The following EYA1 variants were observed in gnomAD, a reference collection of about 807,000 sequenced individuals.
EYA1 encodes protein phosphatase EYA1.
A neutral mutation model predicts 82.0 loss-of-function variants in EYA1; 16 were observed. That is an observed-to-expected ratio of 0.20 (90% CI 0.13 to 0.30). The LOEUF is 0.30. Among genes scored for constraint, EYA1 ranks in the 10% least tolerant of loss-of-function variants. The pLI is 1.00. For synonymous variants in EYA1, 261 were observed against 264.4 expected (o/e 0.99, Z 0.12); for missense variants, 633 against 730.7 (o/e 0.87, Z 1.54).
chr8:71,244,594 AG>A lies in EYA1; in HGVS notation c.1140+8del. On this transcript the variant is annotated splice_region_variant and intron_variant, in intron 12 of 17. Transcript: ENST00000340726. Reference sequence around the variant, plus strand: ...CATGCAAAAATATGTATTAAAAATTAGAACTTACTTCTAAGTCATTAAAAAA... The same window carrying A: ...CATGCAAAAATATGTATTAAAAATTAAACTTACTTCTAAGTCATTAAAAAA... 6.9e-7 allele frequency: 1 copy of A among 1,443,062 alleles called. No homozygotes were observed. The highest frequency in any genetic ancestry group is 1.4e-5 in the African/African-American group (1 of 70,982). The allele number at this position is 1,443,062 out of a possible 1,614,324, so 89.4% of individuals were successfully genotyped here. A position where few individuals can be genotyped will look rare whatever the true frequency, so the allele number is the denominator to read the frequency against.
chr8:71,464,008 T>A (rs1319980677), intron 2 of EYA1, among the ~76,000 whole-genome samples: 1 of 152,146 alleles, frequency 6.6e-6, no homozygotes, highest in Non-Finnish European at 1.5e-5. Context: ...CCTTTTTGGA[T>A]CATTTCCACT....
chr8:71,377,030 T>TA, intron 2 of EYA1, among the ~76,000 whole-genome samples: 1 of 152,242 alleles, frequency 6.6e-6, no homozygotes, highest in East Asian at 1.9e-4. Context: ...ATCAACCTCT[T>TA]ACCCATCACT....
At chr8:71,279,533 G>T (rs983852407) in intron 9 of EYA1, among the ~76,000 whole-genome samples, 4 of 152,200 alleles carry the variant, frequency 2.6e-5, no homozygotes, top group South Asian at 2.1e-4. Flanking sequence ...TTGGCCAAAA[G>T]AATCATATAC....
Position 71,445,953 on chromosome 8 carries a change from A to G in EYA1, c.34-89442T>C, listed in dbSNP as rs181099312. 5.9e-5 allele frequency among the ~76,000 whole-genome samples: 9 copies of G among 152,336 alleles called. No individual in the cohort carries two copies. The East Asian group carries it at 1.7e-3, about 29-fold the overall frequency. On this transcript the variant is annotated intron_variant, in intron 2 of 18. Coordinates refer to the EYA1 transcript ENST00000643681. ...CTCTTATTTGGCTCACTTCTTCTCT[A>G]GAATAATAAACTAGGAGACTACAGT...
chr8:71,344,557 T>C (rs1280784077), intron 3 of EYA1, among the ~76,000 whole-genome samples: 2 of 152,226 alleles, frequency 1.3e-5, no homozygotes, highest in African/African-American at 2.4e-5. Context: ...ACATAGTCCA[T>C]GATCACACAG....
At chr8:71,233,559 G>A (rs1244073066) in intron 12 of EYA1, among the ~76,000 whole-genome samples, 4 of 130,410 alleles carry the variant, frequency 3.1e-5, no homozygotes, top group Admixed American at 8.4e-5. Context: ...GTGAGACTCC[G>A]TCTCAAAAAA....
intron 4 of EYA1, among the ~76,000 whole-genome samples, chr8:71,331,878 C>T (rs577922198): frequency 3.3e-5 from 5 of 152,270 alleles, no homozygotes; most frequent in African/African-American, 1.2e-4. Flanking sequence ...GACAGAGTCT[C>T]ACTCTGCTGC....
At chr8:71,205,529 A>T (rs1415950747) in intron 17 of EYA1, among the ~76,000 whole-genome samples, 1 of 152,098 alleles carries the variant, frequency 6.6e-6, no homozygotes. Context: ...GCACTCACAC[A>T]AACTCCTGCA....
intron 12 of EYA1, among the ~76,000 whole-genome samples, chr8:71,234,637 T>G (rs1811612793): frequency 2.0e-5 from 3 of 152,046 alleles, no homozygotes; most frequent in African/African-American, 7.3e-5. Context: ...ACCATACAAT[T>G]CTCTCTTCAA....
chr8:71,527,017 T>G (rs1039852740), intron 2 of EYA1, among the ~76,000 whole-genome samples: 1 of 152,252 alleles, frequency 6.6e-6, no homozygotes, highest in African/African-American at 2.4e-5. Context: ...TATATGATAC[T>G]ATACATAAAT....
At chr8:71,291,015 A>C (rs1286016595) in intron 9 of EYA1, among the ~76,000 whole-genome samples, 1 of 152,242 alleles carries the variant, frequency 6.6e-6, no homozygotes, top group East Asian at 1.9e-4. Flanking sequence ...AAACTTTTCC[A>C]AAGTCCACAA....
intron 12 of EYA1, among the ~76,000 whole-genome samples, chr8:71,229,240 AT>A (rs1810918686): frequency 1.3e-5 from 2 of 151,974 alleles, no homozygotes; most frequent in African/African-American, 4.8e-5. Flanking sequence ...GTGCTCCTCC[AT>A]TAAGTTTTTA....
At chr8:71,242,454 TA>T in intron 12 of EYA1, among the ~76,000 whole-genome samples, 1 of 152,292 alleles carries the variant, frequency 6.6e-6, no homozygotes, top group Non-Finnish European at 1.5e-5. Context: ...TTACCTCTAC[TA>T]AGGAATAGTC....
intron 2 of EYA1, among the ~76,000 whole-genome samples, chr8:71,457,766 G>A (rs758627650): frequency 1.3e-5 from 2 of 151,534 alleles, no homozygotes; most frequent in Non-Finnish European, 3.0e-5. Flanking sequence ...TGTAGCATTC[G>A]GAGATATACC....
chr8:71,457,268 C>T (rs545810860), intron 2 of EYA1, among the ~76,000 whole-genome samples: 1 of 152,224 alleles, frequency 6.6e-6, no homozygotes, highest in East Asian at 1.9e-4. Flanking sequence ...ACAACAGATG[C>T]TGGAGAGGAT....
intron 7 of EYA1, among the ~76,000 whole-genome samples, chr8:71,311,824 A>G (rs1468859712): frequency 6.6e-6 from 1 of 152,232 alleles, no homozygotes; most frequent in Non-Finnish European, 1.5e-5. Context: ...TTTCCCAATC[A>G]CTGAGGTTTT....
chr8:71,448,716 AG>A (rs1444026325), intron 2 of EYA1: 1 of 153,352 alleles, frequency 6.5e-6, no homozygotes, highest in Non-Finnish European at 1.5e-5. Flanking sequence ...AAATTTTTCC[AG>A]GCTATTTAAT....
At chr8:71,282,113 A>T (rs1232222447) in intron 9 of EYA1, among the ~76,000 whole-genome samples, 2 of 152,102 alleles carry the variant, frequency 1.3e-5, no homozygotes, top group Non-Finnish European at 2.9e-5. Context: ...CCCCACCCGT[A>T]AGTACTCTGT....
chr8:71,322,712 T>C (rs1389818244), intron 4 of EYA1, among the ~76,000 whole-genome samples: 1 of 152,180 alleles, frequency 6.6e-6, no homozygotes, highest in Non-Finnish European at 1.5e-5. Context: ...CCTGAGGCTG[T>C]ATTACCAAGA....
Sources: gnomAD v4.1 joint callset for allele counts (sites outside exome capture counted in the v4.1 genomes callset) on GRCh38, gnomAD v4.1.1 for gene constraint, MANE v1.5 for transcripts, NCBI Gene and HGNC (gene_info 2026-07-23, HGNC 2026-07-21) for gene names.